Variants in TMCO6 observed in about 807,000 individuals in gnomAD.
TMCO6 encodes transmembrane and coiled-coil domains 6, also known as transmembrane and coiled-coil domain-containing protein 6.
In TMCO6, 47 loss-of-function variants were observed where a neutral mutation model predicts 61.8. That is an observed-to-expected ratio of 0.76 (90% CI 0.60 to 0.97). The LOEUF (loss-of-function observed/expected upper bound fraction) is 0.97. TMCO6 is among the 50% of genes least tolerant of loss of function. The pLI, the probability that TMCO6 is intolerant of heterozygous loss-of-function variation, is 0.00. For missense variants in TMCO6, 557 were observed against 601.6 expected, an observed-to-expected ratio of 0.93 and a Z score of 0.78; for synonymous variants, 261 against 254.2, an observed-to-expected ratio of 1.03 and a Z score of -0.25.
At chr5:140,607,005 T>TA in the TMCO6 span, among the ~76,000 whole-genome samples, 5 of 148,616 alleles carry the variant, frequency 3.4e-5, no homozygotes, top group South Asian at 2.1e-4. Flanking sequence ...AAAAAAATAA[T>TA]AATAATAATA....
the TMCO6 span, chr5:140,632,985 GGAGAGAGCAGAGGTCTAGGA>G: frequency 9.3e-6 from 15 of 1,614,010 alleles, no homozygotes; most frequent in Admixed American, 3.3e-5. This position sits in a 1 kb window ranked among gnomAD's most constrained non-coding sequence, Gnocchi z 6.2. Flanking sequence ...GCGCTCCTGG[GGAGAGAGCAGAGGTCTAGGA>G]GGCCCCATCC....
chr5:140,626,560 G>C, the TMCO6 span, among the ~76,000 whole-genome samples: 3 of 152,062 alleles, frequency 2.0e-5, no homozygotes, highest in Non-Finnish European at 4.4e-5. Context: ...TATCCCATTA[G>C]AGGTCATTCC....
the TMCO6 span, among the ~76,000 whole-genome samples, chr5:140,611,405 G>A: frequency 6.6e-6 from 1 of 152,190 alleles, no homozygotes; most frequent in African/African-American, 2.4e-5. Flanking sequence ...TATTGTATGA[G>A]TGTGAAGTTT....
chr5:140,599,287 A>C, the TMCO6 span, among the ~76,000 whole-genome samples: 1 of 152,310 alleles, frequency 6.6e-6, no homozygotes, highest in African/African-American at 2.4e-5. Context: ...AATCCAGGAA[A>C]GTGATTCTTC....
At chr5:140,626,393 C>A in the TMCO6 span, among the ~76,000 whole-genome samples, 3 of 151,990 alleles carry the variant, frequency 2.0e-5, no homozygotes, top group Non-Finnish European at 4.4e-5. Context: ...TTTTATTACC[C>A]TTTATATATT....
intron 3 of TMCO6, 41 bp from the exon 4 acceptor site, chr5:140,641,829 G>A: frequency 6.2e-7 from 1 of 1,614,150 alleles, no homozygotes. Flanking sequence ...TCTGAGGGAT[G>A]GACCACAAGC....
chr5:140,610,218 G>C, the TMCO6 span, among the ~76,000 whole-genome samples: 1 of 148,088 alleles, frequency 6.8e-6, no homozygotes, highest in Non-Finnish European at 1.5e-5. Context: ...AAAGCCAGGC[G>C]TGGCAGCATG....
At position 140,644,157 on chromosome 5, in the gene TMCO6, T is replaced by C; in HGVS notation, c.1163T>C (p.Leu388Ser). The C allele has an allele frequency of 6.2e-7, 1 of 1,614,212 alleles. No individual in the cohort carries two copies. The highest frequency in any genetic ancestry group is 8.5e-7 in the Non-Finnish European group (1 of 1,180,042). ...TCCCTGGATCTGATTGAGCCTCTCT[T>C]ACAGCTGTTGCCAGTATCTAACGTG... ...LLSLDLIEPL[L>S]QLLPVSNVVS... is the part of the protein sequence containing the mutation. The change falls in exon 10 of 12, where the codon TTA becomes TCA. Residue 388 changes from leucine (L) to serine (S), a missense_variant. By Grantham distance (145) the Leu-to-Ser change is moderately radical (BLOSUM62 -2). Coordinates refer to ENST00000394671, the MANE Select transcript of TMCO6 (RefSeq NM_018502.5).
intron 3 of TMCO6, 24 bp downstream of exon 3, chr5:140,641,804 G>A (rs1757052278): frequency 1.2e-6 from 2 of 1,614,064 alleles, no homozygotes; most frequent in Admixed American, 1.7e-5. Context: ...GTGTGGTGGA[G>A]GGAGGAGTTG....
chr5:140,645,608 G>A (rs769477893), downstream of TMCO6: 19 of 1,614,014 alleles, frequency 1.2e-5, no homozygotes, highest in Admixed American at 2.2e-4. Context: ...CACTTAGAAC[G>A]TTCTCCAGGG....
chr5:140,647,624 C>G (rs374432948), downstream of TMCO6: 1 of 1,598,636 alleles, frequency 6.3e-7, no homozygotes, highest in African/African-American at 1.3e-5. Context: ...GTCTTCAGGC[C>G]AAGTGCTCCG....
At chr5:140,644,545 T>G in intron 10 of TMCO6, 28 bp from the exon 11 acceptor site, 2 of 1,606,740 alleles carry the variant, frequency 1.2e-6, no homozygotes, top group Non-Finnish European at 1.7e-6. Context: ...TTTCATTCTT[T>G]GTAGACTATA....
At chr5:140,620,854 A>T in the TMCO6 span, among the ~76,000 whole-genome samples, 1 of 151,954 alleles carries the variant, frequency 6.6e-6, no homozygotes, top group Admixed American at 6.6e-5. Flanking sequence ...CTACAAAAAA[A>T]TTTCTTTAAT....
At chr5:140,645,791 A>G (rs1757358283), downstream of TMCO6, 6 of 1,522,998 alleles carry the variant, frequency 3.9e-6, no homozygotes, top group Middle Eastern at 1.7e-4. Context: ...AGAGTATTAA[A>G]GAGATATGAT....
chr5:140,613,154 G>A, the TMCO6 span, among the ~76,000 whole-genome samples: 1 of 152,106 alleles, frequency 6.6e-6, no homozygotes, highest in East Asian at 1.9e-4. Flanking sequence ...ACTTTGGGAG[G>A]CTGAGGCAGG....
chr5:140,643,767 T>G lies in TMCO6; in HGVS notation c.919-13T>G. The G allele has an allele frequency of 6.2e-7, 1 of 1,612,336 alleles. No homozygotes were observed. The highest frequency in any genetic ancestry group is 8.5e-7 in the Non-Finnish European group (1 of 1,178,570). On this transcript the variant is annotated splice_polypyrimidine_tract_variant and intron_variant, in intron 8 of 11. Coordinates refer to ENST00000394671, the MANE Select transcript of TMCO6 (RefSeq NM_018502.5). Reference sequence around the variant, plus strand: ...TTCCTTCTTACACCTGACCCCCCAATTTGTCTTTGCAGCTGGCATGCCCCG... The same window carrying G: ...TTCCTTCTTACACCTGACCCCCCAAGTTGTCTTTGCAGCTGGCATGCCCCG...
chr5:140,645,015 C>T lies in TMCO6; in HGVS notation c.1399C>T (p.Leu467=). ...AVQVFLQQSG[L]QALERHQEEA... ...TCAGGTCTTCCTGCAGCAGTCAGGG[C>T]TGCAAGCCCTGGAAAGGCATCAGGA... Residue 467 remains leucine, a synonymous_variant, in exon 12 of 12, where the codon CTG becomes TTG. Coordinates refer to ENST00000394671, the MANE Select transcript of TMCO6 (RefSeq NM_018502.5). 1 of 1,614,226 alleles carries T rather than the reference C, an allele frequency of 6.2e-7. No individual in the cohort carries two copies. The highest frequency in any genetic ancestry group is 8.5e-7 in the Non-Finnish European group (1 of 1,180,038).
At chr5:140,632,425 A>T in the TMCO6 span, 4 of 1,614,212 alleles carry the variant, frequency 2.5e-6, no homozygotes, top group Admixed American at 6.7e-5. The surrounding 1 kb of genome is among the most constrained non-coding windows in gnomAD (Gnocchi z 6.2). Context: ...ACCTGTTCGC[A>T]GGAAAAGGCA....
At chr5:140,613,434 C>G in the TMCO6 span, among the ~76,000 whole-genome samples, 1 of 146,838 alleles carries the variant, frequency 6.8e-6, no homozygotes, top group African/African-American at 2.6e-5. Flanking sequence ...AGGAGTAGCT[C>G]CTTTCAGATG....
Sources: gnomAD v4.1 joint callset for allele counts (sites outside exome capture counted in the v4.1 genomes callset) on GRCh38, gnomAD v4.1.1 for gene constraint, Gnocchi (gnomAD v3.1) non-coding constraint, MANE v1.5 for transcripts, NCBI Gene and HGNC (gene_info 2026-07-23, HGNC 2026-07-21) for gene names.